DPP6: variants seen among roughly 807,000 people sequenced by gnomAD.
The protein encoded by DPP6 is dipeptidyl peptidase like 6.
In DPP6, 69 loss-of-function variants were observed where a neutral mutation model predicts 122.6. The ratio of observed to expected loss-of-function variants is 0.56; its 90% CI spans 0.46 to 0.69. DPP6 has a LOEUF of 0.69. DPP6 is among the 30% of genes least tolerant of loss of function. The pLI, the probability that DPP6 is intolerant of heterozygous loss-of-function variation, is 0.00. For missense variants in DPP6, 928 were observed against 1,116.9 expected, an observed-to-expected ratio of 0.83 and a Z score of 2.41; for synonymous variants, 418 against 433.1, an observed-to-expected ratio of 0.97 and a Z score of 0.43.
chr7:154,639,329 G>A (rs1230049555), intron 6 of DPP6, among the ~76,000 whole-genome samples: 1 of 152,168 alleles, frequency 6.6e-6, no homozygotes, highest in Non-Finnish European at 1.5e-5. Flanking sequence ...TTCATTAAAA[G>A]TATGTTTTAA....
At chr7:154,477,869 C>T (rs766043176) in intron 3 of DPP6, among the ~76,000 whole-genome samples, 3 of 152,104 alleles carry the variant, frequency 2.0e-5, no homozygotes, top group African/African-American at 4.8e-5. Context: ...ATGATTCTCC[C>T]TCTGTAAATG....
Position 154,760,147 on chromosome 7 carries a change from A to C in DPP6, c.884-9270A>C, listed in dbSNP as rs1206543211. On this transcript the variant is annotated intron_variant, in intron 8 of 25. Coordinates refer to ENST00000377770, the MANE Select transcript of DPP6 (RefSeq NM_130797.4). The surrounding 1 kb of genome is among the most constrained non-coding windows in gnomAD (Gnocchi z 4.5). ...CAAAACAAAAAAAAGTCTATTCCCA[A>C]GGAGACAGGCATCCAGCTCAACTCT... is the stretch of plus-strand genomic sequence containing the variant. Among the ~76,000 whole-genome samples the C allele has an allele frequency of 6.6e-6, 1 of 152,162 alleles. No homozygotes were observed. Among genetic ancestry groups the C allele is most frequent in the Non-Finnish European group, 1.5e-5 (1 of 68,030 alleles).
intron 1 of DPP6, among the ~76,000 whole-genome samples, chr7:154,388,345 C>A (rs552535738): frequency 6.6e-6 from 1 of 152,308 alleles, no homozygotes; most frequent in African/African-American, 2.4e-5. Flanking sequence ...AAACAATTAT[C>A]TAAACATTGT....
chr7:154,782,531 C>G (rs1797090945), intron 10 of DPP6, among the ~76,000 whole-genome samples: 1 of 152,220 alleles, frequency 6.6e-6, no homozygotes, highest in African/African-American at 2.4e-5. Context: ...TACATTTACC[C>G]ATTCAAAGAA....
intron 1 of DPP6, among the ~76,000 whole-genome samples, chr7:154,041,638 C>T (rs1183103449): frequency 6.6e-6 from 1 of 152,084 alleles, no homozygotes; most frequent in Non-Finnish European, 1.5e-5. Context: ...GGCCTAAGCC[C>T]GGGGGATTTT....
chr7:154,423,225 A>G (rs767134380), intron 1 of DPP6, among the ~76,000 whole-genome samples: 1 of 152,228 alleles, frequency 6.6e-6, no homozygotes, highest in African/African-American at 2.4e-5. Context: ...CTGGGCATTT[A>G]TAAAAGGAGA....
chr7:154,273,387 G>A (rs1319160205), intron 1 of DPP6, among the ~76,000 whole-genome samples: 2 of 152,172 alleles, frequency 1.3e-5, no homozygotes, highest in African/African-American at 4.8e-5. Context: ...CTGCGTTACA[G>A]CCAGCTCCCC....
intron 1 of DPP6, among the ~76,000 whole-genome samples, chr7:154,276,137 G>A (rs533289568): frequency 4.7e-4 from 72 of 152,300 alleles, no homozygotes; most frequent in Non-Finnish European, 9.1e-4. Flanking sequence ...TCTTTACTGA[G>A]GGTGGGTCTA....
intron 1 of DPP6, among the ~76,000 whole-genome samples, chr7:154,167,479 T>C (rs1403266866): frequency 6.6e-6 from 1 of 152,274 alleles, no homozygotes; most frequent in East Asian, 1.9e-4. Flanking sequence ...TAATGCAGTT[T>C]GCCTGAGGCA....
At position 154,298,018 on chromosome 7, in the gene DPP6, T is replaced by C. The variant is rs565098214; in HGVS notation, c.244-148196T>C. Among the ~76,000 whole-genome samples the C allele has an allele frequency of 6.6e-5, 10 of 152,272 alleles. No individual in the cohort carries two copies. The South Asian group carries it at 1.9e-3, about 28-fold the overall frequency. On this transcript the variant is annotated intron_variant, in intron 1 of 25. Transcript: ENST00000377770. ...TTGTTTTGAAGATGTGATTGATAAT[T>C]CAGTTAGCGGACATGGAGTAGAGCA...
chr7:153,966,207 G>GA (rs1412500252), intron 1 of DPP6, among the ~76,000 whole-genome samples: 2 of 147,788 alleles, frequency 1.4e-5, no homozygotes, highest in Non-Finnish European at 3.0e-5. Context: ...TGATTAGATT[G>GA]AAAAACACAC....
Position 154,625,560 on chromosome 7 carries a change from C to A in DPP6, c.628-12261C>A, listed in dbSNP as rs1295956058. 5.9e-5 allele frequency among the ~76,000 whole-genome samples: 9 copies of A among 152,192 alleles called. No homozygotes were observed. The East Asian group carries it at 1.7e-3, about 29-fold the overall frequency. ...ATGATGTCCTCCATTCCCTTAGTGA[C>A]CTAGGAAGAGAACCAGCTGTGCAGC... On this transcript the variant is annotated intron_variant, in intron 5 of 25. Transcript: ENST00000377770.
chr7:154,574,801 TTTGTGTGTGTGA>T lies in DPP6; in HGVS notation c.627+7887_627+7898del, dbSNP rs1205813382. ...CATATGTGTGTGTGTGTGGTGTGTG[TTTGTGTGTGTGA>T]TGTGTTTGTGTGGTGTGTGGGGTGT... On this transcript the variant is annotated intron_variant, in intron 5 of 25. Coordinates refer to ENST00000377770, the MANE Select transcript of DPP6 (RefSeq NM_130797.4). Among the ~76,000 whole-genome samples, 869 of 90,060 alleles carry T rather than the reference TTTGTGTGTGTGA, an allele frequency of 9.6e-3. 14 individuals carry two copies. Among genetic ancestry groups the T allele is most frequent in the African/African-American group, 0.036 (760 of 21,064 alleles). 59.1% of individuals were successfully genotyped at this position (90,060 alleles called of 152,430 possible).
At chr7:154,176,843 T>C (rs757417318) in intron 1 of DPP6, among the ~76,000 whole-genome samples, 5 of 152,156 alleles carry the variant, frequency 3.3e-5, no homozygotes, top group Non-Finnish European at 7.3e-5. Flanking sequence ...TTTTTTCTTT[T>C]TCTTTTTTTA....
chr7:154,549,692 G>A (rs764664357), intron 4 of DPP6, among the ~76,000 whole-genome samples: 4 of 152,148 alleles, frequency 2.6e-5, no homozygotes, highest in Non-Finnish European at 2.9e-5. Flanking sequence ...TTGGCTCTGC[G>A]AAGGCTCATT....
intron 1 of DPP6, among the ~76,000 whole-genome samples, chr7:154,290,961 CAA>C (rs1285052881): frequency 2.6e-5 from 4 of 152,132 alleles, no homozygotes; most frequent in African/African-American, 4.8e-5. Flanking sequence ...AAAAATTAAA[CAA>C]GAGACAAAAC....
chr7:153,941,268 G>T (rs376901762), intron 1 of DPP6, among the ~76,000 whole-genome samples: 1 of 152,336 alleles, frequency 6.6e-6, no homozygotes, highest in African/African-American at 2.4e-5. Context: ...CAGCCTCGGG[G>T]TGCTAGAGCT....
intron 2 of DPP6, among the ~76,000 whole-genome samples, chr7:154,452,471 C>T (rs372425130): frequency 6.6e-6 from 1 of 152,152 alleles, no homozygotes; most frequent in African/African-American, 2.4e-5. Context: ...GTGTTGAGTG[C>T]GTTCCTACCC....
At chr7:153,931,585 A>G (rs1028242236) in intron 1 of DPP6, among the ~76,000 whole-genome samples, 4 of 152,226 alleles carry the variant, frequency 2.6e-5, no homozygotes, top group Non-Finnish European at 5.9e-5. Flanking sequence ...AACTATTTAA[A>G]TTCATTATTC....
Sources: allele counts gnomAD v4.1 joint callset (sites outside exome capture counted in the v4.1 genomes callset), GRCh38; gene constraint gnomAD v4.1.1; non-coding constraint Gnocchi (gnomAD v3.1); transcripts MANE v1.5; gene names NCBI Gene and HGNC (gene_info 2026-07-23, HGNC 2026-07-21).